RHOT2: variants seen among roughly 807,000 people sequenced by gnomAD.
RHOT2 encodes the protein mitochondrial Rho GTPase 2.
In RHOT2, 90 loss-of-function variants were observed where a neutral mutation model predicts 81.6. The observed-to-expected ratio is 1.10, with a 90% CI of 0.93 to 1.31. The LOEUF is 1.31. RHOT2 is among the 40% of genes most tolerant of loss of function. The pLI, the probability that RHOT2 is intolerant of heterozygous loss-of-function variation, is 0.00. For missense variants in RHOT2, 1,014 were observed against 841.9 expected (o/e 1.20, Z -2.53); for synonymous variants, 512 against 370.9 (o/e 1.38, Z -4.37).
intron 12 of RHOT2, 29 bp downstream of exon 12, chr16:671,810 G>GCCCCCTCCCCCCCCCCC: frequency 6.3e-7 from 1 of 1,586,244 alleles, no homozygotes. Context: ...CCCTGCCCCT[G>GCCCCCTCCCCCCCCCCC]CCCCCGCCCC....
chr16:671,007 C>A lies in RHOT2; in HGVS notation c.748+7C>A, dbSNP rs777071136. The A allele has an allele frequency of 1.3e-6, 2 of 1,595,270 alleles. No individual in the cohort carries two copies. Among genetic ancestry groups the A allele is most frequent in the East Asian group, 2.2e-5 (1 of 44,728 alleles). On this transcript the variant is annotated splice_region_variant and intron_variant, in intron 10 of 18. Transcript: ENST00000315082. ...GACCGGCTGACCCTGGATGGTGAGG[C>A]CGGGTGCCCGCCTGTGCCTGGGGAG...
rs576636757 is a variant in RHOT2 at position 670,258 on chromosome 16, C to G, written c.339C>G (p.Ile113Met). The G allele has an allele frequency of 4.3e-6, 7 of 1,612,496 alleles. No individual in the cohort carries two copies. The Admixed American group carries it at 5.0e-5, about 12-fold the overall frequency. The stretch of plus-strand genomic sequence containing the variant: ...TGGGCCTTCAACCCAGGGTGCCCAT[C>G]ATCCTAGTGGGCAACAAGTCAGACC... Reference protein sequence around the residue: ...GGTTQGPRVPIILVGNKSDLR... With the variant: ...GGTTQGPRVPMILVGNKSDLR... Residue 113 changes from isoleucine to methionine, a missense_variant, in exon 7 of 19, where the codon ATC (isoleucine) becomes ATG (methionine). Physicochemically the swap from Ile to Met is conservative, Grantham distance 10. Coordinates refer to ENST00000315082, the MANE Select transcript of RHOT2 (RefSeq NM_138769.3).
upstream of RHOT2, chr16:668,085 G>A: frequency 2.4e-6 from 1 of 416,630 alleles, no homozygotes; most frequent in Non-Finnish European, 4.2e-6. Context: ...GGAAGTGTGG[G>A]GACAGCGCGG....
chr16:670,241 C>T lies in RHOT2; in HGVS notation c.330-8C>T, dbSNP rs1004239802. The T allele has an allele frequency of 6.2e-7, 1 of 1,612,178 alleles. No homozygotes were observed. The highest frequency in any genetic ancestry group is 1.1e-5 in the South Asian group (1 of 91,066). On this transcript the variant is annotated splice_region_variant and splice_polypyrimidine_tract_variant and intron_variant, in intron 6 of 18. Transcript: ENST00000315082. ...CCTGCCCCTGGTGACCATGGGCCTT[C>T]AACCCAGGGTGCCCATCATCCTAGT...
chr16:671,810 G>GCCCCTGGCCCCCCCCCC, intron 12 of RHOT2, 29 bp downstream of exon 12: 30 of 1,586,140 alleles, frequency 1.9e-5, no homozygotes, highest in South Asian at 1.8e-4. Flanking sequence ...CCCTGCCCCT[G>GCCCCTGGCCCCCCCCCC]CCCCCGCCCC....
chr16:670,076 A>G, intron 5 of RHOT2, 47 bp from the exon 6 acceptor site: 1 of 1,508,616 alleles, frequency 6.6e-7, no homozygotes, highest in South Asian at 1.3e-5. Flanking sequence ...GCTGGGAGCC[A>G]TGTGCCCGCG....
At chr16:668,732 G>C (rs761481938) in intron 4 of RHOT2, 33 bp downstream of exon 4, 1 of 1,568,788 alleles carries the variant, frequency 6.4e-7, no homozygotes, top group Admixed American at 1.9e-5. Context: ...GGGAGGGGCT[G>C]GGCGCGGGCT....
Position 671,850 on chromosome 16 carries a change from CCTT to C in RHOT2, c.955-7_955-5del, listed in dbSNP as rs766455372. 6.3e-6 allele frequency: 10 copies of C among 1,597,542 alleles called. No individual in the cohort carries two copies. Among genetic ancestry groups the C allele is most frequent in the Admixed American group, 3.4e-5 (2 of 58,356 alleles). ...CCGGCACACACATCACCACATCCCT[CCTT>C]CTGCAGGACCGCGACGGCGCCCTCT... On this transcript the variant is annotated splice_region_variant and splice_polypyrimidine_tract_variant and intron_variant, in intron 12 of 18. Coordinates refer to ENST00000315082, the MANE Select transcript of RHOT2 (RefSeq NM_138769.3).
chr16:668,162 C>T lies in RHOT2; in HGVS notation c.-38C>T, dbSNP rs1012560295. The T allele has an allele frequency of 1.6e-5, 7 of 444,662 alleles. No individual in the cohort carries two copies. The highest frequency in any genetic ancestry group is 8.0e-5 in the African/African-American group (4 of 49,820). 27.5% of individuals were successfully genotyped at this position (444,662 alleles called of 1,614,324 possible). ...GAAAGGCTTGAGGACCAGGTCGGGG[C>T]CGGGTTCCGGGTCGGGGAGCGGCTC... On this transcript the variant is annotated 5_prime_UTR_variant, in exon 1 of 19. Transcript: ENST00000315082.
At position 670,752 on chromosome 16, in the gene RHOT2, C is replaced by G. The variant is rs530042364; in HGVS notation, c.618C>G (p.Asp206Glu). The change falls in exon 9 of 19, where the codon GAC (aspartate) becomes GAG (glutamate). Residue 206 changes from aspartate (D) to glutamate (E), a missense_variant. Transcript: ENST00000315082. ...AGGACCTGGACCAGGCGCTCAGTGA[C>G]GAAGAGCTCAACGCTTTCCAGGTGT... ...SDQDLDQALS[D>E]EELNAFQKSC... The G allele has an allele frequency of 9.9e-6, 16 of 1,612,288 alleles. No individual in the cohort carries two copies. The highest frequency in any genetic ancestry group is 6.7e-5 in the African/African-American group (5 of 75,062).
In RHOT2 at chr16:673,518, G is replaced by A; in HGVS notation, c.1769G>A (p.Trp590Ter). ...VHAELHPSSF[W>*]LRGLLGVVGA... ...GCAGAGCTGCATCCCTCTTCCTTCT[G>A]GCTCCGGGGGCTGCTGGGGGTTGTC... Residue 590 changes from tryptophan (W) to a stop codon, truncating the protein, a stop_gained, in exon 19 of 19, where the codon TGG (tryptophan) becomes TAG (stop). Transcript: ENST00000315082. LOFTEE classifies it high-confidence loss of function. The A allele has an allele frequency of 1.2e-6, 2 of 1,612,668 alleles. No individual in the cohort carries two copies. Among genetic ancestry groups the A allele is most frequent in the Non-Finnish European group, 1.7e-6 (2 of 1,179,932 alleles).
Position 673,911 on chromosome 16 carries a change from G to T in RHOT2, c.*305G>T. 1 of 583,114 alleles carries T rather than the reference G, an allele frequency of 1.7e-6. No homozygotes were observed. Among genetic ancestry groups the T allele is most frequent in the Admixed American group, 2.2e-5 (1 of 45,028 alleles). 36.1% of individuals were successfully genotyped at this position (583,114 alleles called of 1,614,324 possible). A position where few individuals can be genotyped will look rare whatever the true frequency, so the allele number is the denominator to read the frequency against. On this transcript the variant is annotated 3_prime_UTR_variant, in exon 19 of 19. Coordinates refer to ENST00000315082, the MANE Select transcript of RHOT2 (RefSeq NM_138769.3). ...CATGTGTGTGGGGCCGGGGAGCACA[G>T]GTGTGGGAGCTGGTGACCCCAGACC... is the stretch of plus-strand genomic sequence containing the variant.
In RHOT2 at chr16:673,239, A is replaced by G. The variant is rs1269635463; in HGVS notation, c.1730+109A>G. 8 of 1,296,468 alleles carry G rather than the reference A, an allele frequency of 6.2e-6. No homozygotes were observed. The African/African-American group carries it at 7.3e-5, about 12-fold the overall frequency. 80.3% of individuals were successfully genotyped at this position (1,296,468 alleles called of 1,614,324 possible). The stretch of plus-strand genomic sequence containing the variant: ...GGGGACTAGCAGTGTCTGTCATCCG[A>G]GCAGTGGGCAGCAGTGGCGTCAGGC... On this transcript the variant is annotated intron_variant, in intron 18 of 18. Transcript: ENST00000315082.
At position 672,954 on chromosome 16, in the gene RHOT2, C is replaced by G; in HGVS notation, c.1554C>G (p.Pro518=). Reference sequence around the variant, plus strand: ...ACCATTACATGGACGGGCAGACCCCCTGCCTCTTTGTCTCCTCCAAGGCCG... The same window carrying G: ...ACCATTACATGGACGGGCAGACCCCGTGCCTCTTTGTCTCCTCCAAGGCCG... ...YKHHYMDGQT[P]CLFVSSKADL... Residue 518 remains proline, a synonymous_variant, in exon 18 of 19, where the codon CCC becomes CCG. Transcript: ENST00000315082. The G allele has an allele frequency of 9.3e-6, 15 of 1,612,834 alleles. No homozygotes were observed. The highest frequency in any genetic ancestry group is 1.1e-5 in the Non-Finnish European group (13 of 1,179,988).
At chr16:671,802 C>CTGCCCT in intron 12 of RHOT2, 21 bp downstream of exon 12, 2 of 1,600,678 alleles carry the variant, frequency 1.2e-6, no homozygotes, top group Non-Finnish European at 8.5e-7. Flanking sequence ...GGCGAGTCCC[C>CTGCCCT]TGCCCCTGCC....
rs1004119187 is a variant in RHOT2 at position 668,153 on chromosome 16, A to G, written c.-47A>G. On this transcript the variant is annotated 5_prime_UTR_variant, in exon 1 of 19. Transcript: ENST00000315082. ...GGGCAGAGCGAAAGGCTTGAGGACCAGGTCGGGGCCGGGTTCCGGGTCGGG... is the reference window on the plus strand; with the variant it reads ...GGGCAGAGCGAAAGGCTTGAGGACCGGGTCGGGGCCGGGTTCCGGGTCGGG... The G allele has an allele frequency of 6.9e-6, 3 of 436,136 alleles. No individual in the cohort carries two copies. The highest frequency in any genetic ancestry group is 7.1e-5 in the South Asian group (1 of 14,106). 27.0% of individuals were successfully genotyped at this position (436,136 alleles called of 1,614,324 possible). A position where few individuals can be genotyped will look rare whatever the true frequency, so the allele number is the denominator to read the frequency against.
intron 16 of RHOT2, 23 bp from the exon 17 acceptor site, chr16:672,680 C>T (rs1422775860): frequency 1.2e-6 from 2 of 1,611,818 alleles, no homozygotes; most frequent in East Asian, 4.5e-5. Context: ...AGGGACCCTT[C>T]CTAAGGCCGC....
rs1232998892 is a variant in RHOT2, at chr16:670,479, C to T, written c.462C>T (p.Asn154=). Reference sequence around the variant, plus strand: ...AGTGTTCGGCCAAGAACCTGAGGAACATCTCAGAGCTGTTCTACTACGCCC... The same window carrying T: ...AGTGTTCGGCCAAGAACCTGAGGAATATCTCAGAGCTGTTCTACTACGCCC... ...CVECSAKNLR[N]ISELFYYAQK... Residue 154 remains asparagine, a synonymous_variant, in exon 8 of 19, where the codon AAC becomes AAT. Coordinates refer to ENST00000315082, the MANE Select transcript of RHOT2 (RefSeq NM_138769.3). The T allele has an allele frequency of 6.2e-7, 1 of 1,607,202 alleles. No individual in the cohort carries two copies. The highest frequency in any genetic ancestry group is 8.5e-7 in the Non-Finnish European group (1 of 1,176,790).
At chr16:671,422 T>C in intron 11 of RHOT2, 1 of 614,144 alleles carries the variant, frequency 1.6e-6, no homozygotes, top group East Asian at 2.9e-5. Flanking sequence ...GTGGGGGGGC[T>C]GGCCCTTTGC....
Sources: gnomAD v4.1 joint callset for allele counts on GRCh38, gnomAD v4.1.1 for gene constraint, MANE v1.5 for transcripts, NCBI Gene and HGNC (gene_info 2026-07-23, HGNC 2026-07-21) for gene names.